GTF2A1L: variants seen among roughly 807,000 people sequenced by gnomAD.
GTF2A1L encodes the protein general transcription factor IIA subunit 1 like, also known as TFIIA-alpha and beta-like factor.
In GTF2A1L, 48 loss-of-function variants were observed where a neutral mutation model predicts 49.7. That is an observed-to-expected ratio of 0.97 (90% CI 0.77 to 1.23). The LOEUF (loss-of-function observed/expected upper bound fraction) is 1.23, where lower values mean the gene tolerates loss of function less well. Among genes scored for constraint, GTF2A1L ranks in the 50% most tolerant of loss-of-function variants. The pLI is 0.00. For synonymous variants in GTF2A1L, 246 were observed against 193.5 expected (o/e 1.27, Z -2.25); for missense variants, 736 against 564.8 (o/e 1.30, Z -3.07).
rs985227332 is a variant in GTF2A1L at position 48,679,501 on chromosome 2, T to A, written c.*59T>A. On this transcript the variant is annotated 3_prime_UTR_variant, in exon 9 of 9. Transcript: ENST00000403751. ...ATCAGTTGGATTATATTGCATATTGTGAATTCATTTTTATTTTGAATATAG... is the reference window on the plus strand; with the variant it reads ...ATCAGTTGGATTATATTGCATATTGAGAATTCATTTTTATTTTGAATATAG... 1.3e-6 allele frequency: 2 copies of A among 1,593,112 alleles called. No individual in the cohort carries two copies. Among genetic ancestry groups the A allele is most frequent in the Non-Finnish European group, 1.7e-6 (2 of 1,173,392 alleles).
intron 3 of GTF2A1L, among the ~76,000 whole-genome samples, chr2:48,636,550 A>G (rs1344850166): frequency 2.0e-5 from 3 of 152,206 alleles, no homozygotes; most frequent in Non-Finnish European, 4.4e-5. Context: ...TTGCTTTTGC[A>G]TCATCAGTTC....
At chr2:48,657,222 C>A (rs1180557450) in intron 6 of GTF2A1L, among the ~76,000 whole-genome samples, 1 of 152,024 alleles carries the variant, frequency 6.6e-6, no homozygotes, top group Non-Finnish European at 1.5e-5. Flanking sequence ...TGCATAGTAC[C>A]CAAAACAGTT....
At chr2:48,632,477 G>A (rs1454217594) in intron 3 of GTF2A1L, 4 of 151,868 alleles carry the variant, frequency 2.6e-5, no homozygotes, top group Admixed American at 2.6e-4. Flanking sequence ...CCGACTCCCT[G>A]GTTCAAGCGA....
At chr2:48,630,877 T>G (rs901369976) in intron 3 of GTF2A1L, among the ~76,000 whole-genome samples, 1 of 152,068 alleles carries the variant, frequency 6.6e-6, no homozygotes, top group African/African-American at 2.4e-5. Context: ...TGATCACAGG[T>G]TTTTGCTTTT....
intron 6 of GTF2A1L, among the ~76,000 whole-genome samples, chr2:48,649,030 T>A (rs979223904): frequency 6.6e-6 from 1 of 152,178 alleles, no homozygotes; most frequent in African/African-American, 2.4e-5. Flanking sequence ...TATGGATCTA[T>A]AGGTTTAAGA....
intron 6 of GTF2A1L, among the ~76,000 whole-genome samples, chr2:48,648,860 A>G (rs1677687830): frequency 6.6e-6 from 1 of 152,116 alleles, no homozygotes. Context: ...TTATTTATTT[A>G]TTGTAAGTTA....
intron 3 of GTF2A1L, among the ~76,000 whole-genome samples, chr2:48,624,016 C>T (rs1676159681): frequency 6.6e-6 from 1 of 152,140 alleles, no homozygotes; most frequent in African/African-American, 2.4e-5. Context: ...ATGTGATATA[C>T]CCACGTAGCA....
intron 3 of GTF2A1L, among the ~76,000 whole-genome samples, chr2:48,636,713 G>T (rs893017672): frequency 6.6e-6 from 1 of 152,176 alleles, no homozygotes; most frequent in Admixed American, 6.5e-5. Flanking sequence ...CTGTTGTTCT[G>T]CATGTAGGGT....
intron 8 of GTF2A1L, among the ~76,000 whole-genome samples, chr2:48,677,035 A>G (rs912632876): frequency 1.3e-5 from 2 of 151,478 alleles, no homozygotes; most frequent in African/African-American, 2.4e-5. Flanking sequence ...TTCTAAATGT[A>G]TTTGGGTCTA....
intron 3 of GTF2A1L, among the ~76,000 whole-genome samples, chr2:48,623,873 A>G (rs2104073172): frequency 6.6e-6 from 1 of 152,328 alleles, no homozygotes; most frequent in Non-Finnish European, 1.5e-5. Flanking sequence ...GTACATACAG[A>G]CAGAAAGGTG....
chr2:48,624,030 C>T (rs1676160543), intron 3 of GTF2A1L, among the ~76,000 whole-genome samples: 1 of 152,136 alleles, frequency 6.6e-6, no homozygotes, highest in Non-Finnish European at 1.5e-5. Context: ...CGTAGCAAAC[C>T]TGTACACATA....
rs377601824 is a variant in GTF2A1L, at chr2:48,645,127, T to C, written c.388+10T>C. On this transcript the variant is annotated intron_variant, in intron 5 of 8. Coordinates refer to ENST00000403751, the MANE Select transcript of GTF2A1L (RefSeq NM_006872.5). ...CTACAGACTGTATCTGGTGAGAGTA[T>C]ATTCTAAGAATCTTTTTGTTTTCAG... is the stretch of plus-strand genomic sequence containing the variant. 235 of 1,585,894 alleles carry C rather than the reference T, an allele frequency of 1.5e-4. 2 individuals carry two copies. In the South Asian group the frequency reaches 2.3e-3, roughly 15 times the overall value.
chr2:48,664,715 T>A (rs1270487023), intron 6 of GTF2A1L, among the ~76,000 whole-genome samples: 1 of 152,200 alleles, frequency 6.6e-6, no homozygotes, highest in Non-Finnish European at 1.5e-5. Flanking sequence ...TGTTTCTTCT[T>A]GAGTAAATTT....
chr2:48,620,028 G>A (rs1440663511), intron 1 of GTF2A1L, among the ~76,000 whole-genome samples: 1 of 152,192 alleles, frequency 6.6e-6, no homozygotes, highest in Non-Finnish European at 1.5e-5. Context: ...TTTTGGAAGT[G>A]AGATGAGCTT....
At chr2:48,663,133 G>T (rs752054385) in intron 6 of GTF2A1L, among the ~76,000 whole-genome samples, 1 of 151,954 alleles carries the variant, frequency 6.6e-6, no homozygotes. Flanking sequence ...AAAATATTAC[G>T]CATTCTAAAC....
intron 6 of GTF2A1L, among the ~76,000 whole-genome samples, chr2:48,649,108 C>T (rs972429606): frequency 3.9e-5 from 6 of 152,018 alleles, no homozygotes; most frequent in African/African-American, 1.4e-4. Flanking sequence ...TTAATTCTGC[C>T]CCTTGTAATT....
chr2:48,661,776 T>C lies in GTF2A1L; in HGVS notation c.979-7946T>C, dbSNP rs372813709. Among the ~76,000 whole-genome samples the C allele has an allele frequency of 7.0e-4, 107 of 152,326 alleles. 1 individual carries two copies. Among genetic ancestry groups the C allele is most frequent in the African/African-American group, 2.4e-3 (101 of 41,576 alleles). ...GGAATTTATTTTTCCATCTTTTCCC[T>C]TCCAACCTATTCATATCCTGGATCT... On this transcript the variant is annotated intron_variant, in intron 6 of 8. Coordinates refer to ENST00000403751, the MANE Select transcript of GTF2A1L (RefSeq NM_006872.5).
At chr2:48,632,930 G>T in intron 3 of GTF2A1L, 1 of 237,150 alleles carries the variant, frequency 4.2e-6, no homozygotes. Flanking sequence ...GAGCAACTAT[G>T]CCATCTGGAT....
intron 3 of GTF2A1L, chr2:48,632,897 A>G: frequency 4.0e-6 from 1 of 250,588 alleles, no homozygotes. Context: ...AATCATATAC[A>G]GGGTCACACC....
Sources: gnomAD v4.1 joint callset for allele counts (sites outside exome capture counted in the v4.1 genomes callset) on GRCh38, gnomAD v4.1.1 for gene constraint, MANE v1.5 for transcripts, NCBI Gene and HGNC (gene_info 2026-07-23, HGNC 2026-07-21) for gene names.